Variants in PLCXD3 observed in about 807,000 individuals in gnomAD.
PLCXD3 encodes phosphatidylinositol specific phospholipase C X domain containing 3, also known as PI-PLC X domain-containing protein 3.
A neutral mutation model predicts 25.5 loss-of-function variants in PLCXD3; 19 were observed. That is an observed-to-expected ratio of 0.75 (90% CI 0.52 to 1.09). PLCXD3 has a LOEUF of 1.09. PLCXD3 is among the 50% of genes least tolerant of loss of function. PLCXD3 has a pLI of 0.00. For missense variants in PLCXD3, 411 were observed against 388.1 expected, an observed-to-expected ratio of 1.06 and a Z score of -0.50; for synonymous variants, 174 against 137.6, an observed-to-expected ratio of 1.26 and a Z score of -1.85.
At chr5:41,482,918 A>G (rs1303445841) in intron 1 of PLCXD3, among the ~76,000 whole-genome samples, 1 of 152,216 alleles carries the variant, frequency 6.6e-6, no homozygotes, top group Non-Finnish European at 1.5e-5. Context: ...TACAAATTAA[A>G]CAACTCCCAT....
intron 2 of PLCXD3, among the ~76,000 whole-genome samples, chr5:41,368,365 C>A (rs754913313): frequency 1.3e-5 from 2 of 152,068 alleles, no homozygotes; most frequent in African/African-American, 2.4e-5. Context: ...GGAATGCTAG[C>A]AATTTTTGCA....
chr5:41,323,264 T>C (rs916889785), intron 2 of PLCXD3, among the ~76,000 whole-genome samples: 1 of 151,868 alleles, frequency 6.6e-6, no homozygotes, highest in East Asian at 1.9e-4. Context: ...GGTTAAAAAG[T>C]ATAAAAAAAA....
At chr5:41,422,762 G>T (rs1746859026) in intron 1 of PLCXD3, among the ~76,000 whole-genome samples, 1 of 152,042 alleles carries the variant, frequency 6.6e-6, no homozygotes, top group Non-Finnish European at 1.5e-5. Context: ...TACTTCGTTT[G>T]CTATAAAAGT....
chr5:41,498,884 A>G (rs1748894105), intron 1 of PLCXD3, among the ~76,000 whole-genome samples: 1 of 151,798 alleles, frequency 6.6e-6, no homozygotes, highest in African/African-American at 2.4e-5. Flanking sequence ...TACCATGTAA[A>G]CAGAATGAAG....
At chr5:41,489,118 G>A (rs1431512570) in intron 1 of PLCXD3, among the ~76,000 whole-genome samples, 1 of 152,120 alleles carries the variant, frequency 6.6e-6, no homozygotes, top group Non-Finnish European at 1.5e-5. Flanking sequence ...AAGGTGTAAG[G>A]AAGGGATCCA....
At chr5:41,436,168 A>G (rs896911627) in intron 1 of PLCXD3, among the ~76,000 whole-genome samples, 1 of 152,004 alleles carries the variant, frequency 6.6e-6, no homozygotes, top group Admixed American at 6.6e-5. Context: ...TGCAGAGTTG[A>G]ATATTACATG....
intron 1 of PLCXD3, among the ~76,000 whole-genome samples, chr5:41,427,810 T>G (rs138788529): frequency 6.6e-6 from 1 of 152,184 alleles, no homozygotes; most frequent in South Asian, 2.1e-4. Flanking sequence ...ACAACTCTTA[T>G]GGTGATTTCT....
At chr5:41,403,775 G>A (rs1380825819) in intron 1 of PLCXD3, among the ~76,000 whole-genome samples, 1 of 141,906 alleles carries the variant, frequency 7.0e-6, no homozygotes, top group Non-Finnish European at 1.5e-5. Flanking sequence ...TGGTGTATAT[G>A]TGCCACATTT....
chr5:41,354,221 C>T (rs570162554), intron 2 of PLCXD3, among the ~76,000 whole-genome samples: 9 of 152,120 alleles, frequency 5.9e-5, no homozygotes, highest in Non-Finnish European at 1.3e-4. Context: ...TTTTGCAGCC[C>T]GGACTTCTCT....
intron 1 of PLCXD3, among the ~76,000 whole-genome samples, chr5:41,483,282 G>A (rs185155727): frequency 4.1e-4 from 63 of 152,286 alleles, no homozygotes; most frequent in Admixed American, 4.1e-3. Flanking sequence ...AGTTACTTGA[G>A]AGATCAGGTG....
intron 1 of PLCXD3, among the ~76,000 whole-genome samples, chr5:41,450,822 T>C (rs1176922141): frequency 2.0e-5 from 3 of 152,058 alleles, no homozygotes; most frequent in Non-Finnish European, 2.9e-5. Context: ...CAAGGGATTC[T>C]ATACGCAGAG....
intron 2 of PLCXD3, among the ~76,000 whole-genome samples, chr5:41,366,678 G>A (rs1744945886): frequency 6.6e-6 from 1 of 152,100 alleles, no homozygotes; most frequent in African/African-American, 2.4e-5. Context: ...TTAAGTTCAG[G>A]GCTCCATGTG....
chr5:41,505,221 G>T (rs1749029642), intron 1 of PLCXD3, among the ~76,000 whole-genome samples: 3 of 151,680 alleles, frequency 2.0e-5, no homozygotes, highest in Admixed American at 6.6e-5. Flanking sequence ...GTGTGAGTGT[G>T]TGTGCATGTG....
intron 1 of PLCXD3, among the ~76,000 whole-genome samples, chr5:41,491,464 G>A (rs989038950): frequency 6.6e-6 from 1 of 152,182 alleles, no homozygotes; most frequent in African/African-American, 2.4e-5. Context: ...TTGGTGCAGA[G>A]CTGAGTTCAA....
chr5:41,454,294 C>A (rs957558769), intron 1 of PLCXD3, among the ~76,000 whole-genome samples: 7 of 151,900 alleles, frequency 4.6e-5, no homozygotes, highest in African/African-American at 1.7e-4. Flanking sequence ...TACCATAAAC[C>A]AGGTAGCTTT....
At chr5:41,357,324 G>T (rs1485534511) in intron 2 of PLCXD3, among the ~76,000 whole-genome samples, 2 of 152,128 alleles carry the variant, frequency 1.3e-5, no homozygotes, top group African/African-American at 2.4e-5. Context: ...TTAAAAAGTT[G>T]TTATCAATTA....
intron 1 of PLCXD3, among the ~76,000 whole-genome samples, chr5:41,481,865 G>T (rs1748422072): frequency 6.6e-6 from 1 of 152,148 alleles, no homozygotes; most frequent in Admixed American, 6.6e-5. Context: ...ACGTGAATTA[G>T]GTCAGGCCTT....
intron 1 of PLCXD3, among the ~76,000 whole-genome samples, chr5:41,453,265 C>G (rs1022975776): frequency 6.6e-6 from 1 of 151,830 alleles, no homozygotes; most frequent in Non-Finnish European, 1.5e-5. Context: ...TGCCAGAAAG[C>G]CTATCATATT....
At chr5:41,361,188 C>T (rs1029016447) in intron 2 of PLCXD3, among the ~76,000 whole-genome samples, 1 of 152,124 alleles carries the variant, frequency 6.6e-6, no homozygotes, top group African/African-American at 2.4e-5. Flanking sequence ...TGGGGGAAAG[C>T]TGGCAGTCAC....
Sources: allele counts gnomAD v4.1 joint callset (sites outside exome capture counted in the v4.1 genomes callset), GRCh38; gene constraint gnomAD v4.1.1; transcripts MANE v1.5; gene names NCBI Gene and HGNC (gene_info 2026-07-23, HGNC 2026-07-21).